The following ESR2 variants were observed in gnomAD, a reference collection of about 807,000 sequenced individuals.
ESR2 encodes estrogen receptor beta.
Under a neutral mutation model 49.6 loss-of-function variants are expected in ESR2, and 36 were observed. The ratio of observed to expected loss-of-function variants is 0.73; its 90% CI spans 0.56 to 0.96. The LOEUF is 0.96. ESR2 is among the 40% of genes least tolerant of loss of function. The pLI is 0.00. For missense variants in ESR2, 714 were observed against 693.0 expected, an observed-to-expected ratio of 1.03 and a Z score of -0.34; for synonymous variants, 320 against 266.1, an observed-to-expected ratio of 1.20 and a Z score of -1.97.
chr14:64,314,095 G>C (rs978642014), intron 1 of ESR2, among the ~76,000 whole-genome samples: 7 of 151,952 alleles, frequency 4.6e-5, no homozygotes, highest in Non-Finnish European at 1.5e-5. Context: ...GTCTATGCAA[G>C]AAATAGTAAG....
At chr14:64,288,348 CTTT>C (rs10560135) in intron 1 of ESR2, among the ~76,000 whole-genome samples, 20,377 of 131,244 alleles carry the variant, frequency 0.16, 1,803 homozygotes, top group Middle Eastern at 0.25. Context: ...AAAGACTACA[CTTT>C]TTTTTTTTTT....
At chr14:64,281,094 G>GGAA (rs1194539683) in intron 2 of ESR2, among the ~76,000 whole-genome samples, 1 of 152,078 alleles carries the variant, frequency 6.6e-6, no homozygotes, top group African/African-American at 2.4e-5. Flanking sequence ...AGAAAAAGGG[G>GGAA]GAAGAGAAGA....
At chr14:64,258,408 T>C (rs2076148487) in intron 5 of ESR2, among the ~76,000 whole-genome samples, 1 of 152,062 alleles carries the variant, frequency 6.6e-6, no homozygotes, top group Admixed American at 6.5e-5. Flanking sequence ...GTAATATAAA[T>C]ATGATAACAA....
At chr14:64,228,052 TC>T (rs2098723578), downstream of ESR2, 1 of 1,403,428 alleles carries the variant, frequency 7.1e-7, no homozygotes, top group Non-Finnish European at 9.2e-7. Context: ...GGACCTGTGG[TC>T]ATAAATCAAT....
chr14:64,312,573 T>C (rs755531495), intron 1 of ESR2, among the ~76,000 whole-genome samples: 1 of 152,098 alleles, frequency 6.6e-6, no homozygotes, highest in Non-Finnish European at 1.5e-5. Flanking sequence ...TCTGGCTGAG[T>C]TAGGTCAGAG....
chr14:64,279,555 T>G (rs191783713), intron 3 of ESR2, among the ~76,000 whole-genome samples: 1 of 152,342 alleles, frequency 6.6e-6, no homozygotes, highest in East Asian at 1.9e-4. Context: ...TTTCTGACCA[T>G]TTCCAAAAAA....
chr14:64,275,109 C>A (rs547770446), intron 3 of ESR2, among the ~76,000 whole-genome samples: 1 of 152,184 alleles, frequency 6.6e-6, no homozygotes, highest in East Asian at 1.9e-4. Flanking sequence ...TCTATTAGGT[C>A]CATTTGGTCT....
intron 3 of ESR2, among the ~76,000 whole-genome samples, chr14:64,272,885 T>C (rs1462741814): frequency 6.6e-6 from 1 of 152,168 alleles, no homozygotes; most frequent in Non-Finnish European, 1.5e-5. Flanking sequence ...TTTAGGGTTG[T>C]TTTTTCTATT....
chr14:64,228,049 TG>T (rs2098723563), downstream of ESR2: 1 of 1,413,470 alleles, frequency 7.1e-7, no homozygotes, highest in Non-Finnish European at 9.2e-7. Context: ...ACAGGACCTG[TG>T]GTCATAAATC....
chr14:64,269,001 G>T, intron 3 of ESR2, 90 bp from the exon 4 acceptor site: 1 of 783,304 alleles, frequency 1.3e-6, no homozygotes, highest in Non-Finnish European at 2.2e-6. Flanking sequence ...ACACTTTCCA[G>T]CTGAGAGATA....
At chr14:64,266,612 T>C (rs1221901854) in intron 4 of ESR2, among the ~76,000 whole-genome samples, 2 of 152,274 alleles carry the variant, frequency 1.3e-5, no homozygotes, top group Non-Finnish European at 2.9e-5. Context: ...ATTTGCAATC[T>C]TTTGTCAGAG....
At chr14:64,288,649 G>C (rs914627528) in intron 1 of ESR2, among the ~76,000 whole-genome samples, 11 of 150,378 alleles carry the variant, frequency 7.3e-5, no homozygotes, top group Non-Finnish European at 1.6e-4. Context: ...TGCCAGCCAA[G>C]ACTAGACTGG....
intron 5 of ESR2, among the ~76,000 whole-genome samples, chr14:64,258,531 G>T (rs964408272): frequency 6.6e-6 from 1 of 152,128 alleles, no homozygotes; most frequent in African/African-American, 2.4e-5. Flanking sequence ...GAAAATGGGG[G>T]TAACAATGCC....
At chr14:64,227,217 G>A (rs915258216), downstream of ESR2, 13 of 368,414 alleles carry the variant, frequency 3.5e-5, no homozygotes, top group Non-Finnish European at 5.4e-5. Flanking sequence ...AACCTCAGGG[G>A]AAACCAGTGA....
At chr14:64,304,891 CAATA>C (rs557498752) in intron 1 of ESR2, among the ~76,000 whole-genome samples, 6 of 150,812 alleles carry the variant, frequency 4.0e-5, no homozygotes, top group South Asian at 4.2e-4. Flanking sequence ...AACAAACAAA[CAATA>C]AATAAATAAA....
chr14:64,285,260 C>T (rs2076765726), intron 1 of ESR2, among the ~76,000 whole-genome samples: 1 of 152,116 alleles, frequency 6.6e-6, no homozygotes, highest in Admixed American at 6.5e-5. Context: ...TTCTTAAAAC[C>T]CAGCTCTCTG....
rs532554463 is a variant in ESR2 at position 64,327,433 on chromosome 14, C to G, written c.-91+10465G>C. Among the ~76,000 whole-genome samples, 4 of 106,088 alleles carry G rather than the reference C, an allele frequency of 3.8e-5. 1 individual carries two copies. Among genetic ancestry groups the G allele is most frequent in the Non-Finnish European group, 8.8e-5 (4 of 45,306 alleles). The allele number at this position is 106,088 out of a possible 152,430, so 69.6% of individuals were successfully genotyped here. Reference sequence around the variant, plus strand: ...AAATTAGGCCAGGCACAGTGGCTCACGCCTGTCATCCCAGCACTTTGGGAG... The same window carrying G: ...AAATTAGGCCAGGCACAGTGGCTCAGGCCTGTCATCCCAGCACTTTGGGAG... On this transcript the variant is annotated intron_variant, in intron 1 of 8. Coordinates refer to the ESR2 transcript ENST00000358599.
At chr14:64,322,061 T>C (rs1221505561) in intron 1 of ESR2, among the ~76,000 whole-genome samples, 2 of 151,808 alleles carry the variant, frequency 1.3e-5, no homozygotes, top group African/African-American at 2.4e-5. Context: ...ATAAAAATTA[T>C]TATTATTATT....
At chr14:64,294,993 T>TA (rs1420065333), upstream of ESR2, among the ~76,000 whole-genome samples, 1 of 152,222 alleles carries the variant, frequency 6.6e-6, no homozygotes, top group Non-Finnish European at 1.5e-5. Flanking sequence ...TGGAGGCACC[T>TA]GCCCACCCCT....
Sources: allele counts gnomAD v4.1 joint callset (sites outside exome capture counted in the v4.1 genomes callset), GRCh38; gene constraint gnomAD v4.1.1; transcripts MANE v1.5; gene names NCBI Gene and HGNC (gene_info 2026-07-23, HGNC 2026-07-21).